The following LRRC28 variants were observed in gnomAD, a reference collection of about 807,000 sequenced individuals.
LRRC28 encodes leucine rich repeat containing 28.
In LRRC28, 39 loss-of-function variants were observed where a neutral mutation model predicts 45.7. The ratio of observed to expected loss-of-function variants is 0.85; its 90% CI spans 0.66 to 1.12. The LOEUF (loss-of-function observed/expected upper bound fraction) is 1.12. LRRC28 is among the 50% of genes most tolerant of loss of function. The pLI is 0.00. For missense variants in LRRC28, 435 were observed against 438.5 expected, an observed-to-expected ratio of 0.99 and a Z score of 0.07; for synonymous variants, 206 against 178.8, an observed-to-expected ratio of 1.15 and a Z score of -1.22.
chr15:99,304,288 A>G (rs1348783320), intron 5 of LRRC28, among the ~76,000 whole-genome samples: 2 of 152,212 alleles, frequency 1.3e-5, no homozygotes, highest in African/African-American at 4.8e-5. Context: ...TTATCTGGAT[A>G]CAAGTCATTT....
At chr15:99,334,209 A>G in intron 6 of LRRC28, 80 bp downstream of exon 6, 1 of 1,489,186 alleles carries the variant, frequency 6.7e-7, no homozygotes, top group Non-Finnish European at 9.3e-7. Context: ...CCAATTAGTT[A>G]GTTTCCTTCC....
intron 5 of LRRC28, among the ~76,000 whole-genome samples, chr15:99,308,412 A>G (rs1326435564): frequency 2.0e-5 from 3 of 152,330 alleles, no homozygotes; most frequent in East Asian, 3.9e-4. Flanking sequence ...CACACCTATA[A>G]TCCCAGCACT....
chr15:99,264,349 T>C (rs1418599558), intron 2 of LRRC28, among the ~76,000 whole-genome samples: 1 of 152,220 alleles, frequency 6.6e-6, no homozygotes, highest in African/African-American at 2.4e-5. Flanking sequence ...GTGGCATGTC[T>C]AGGCATATTT....
intron 9 of LRRC28, among the ~76,000 whole-genome samples, chr15:99,373,597 T>C (rs1957545046): frequency 6.6e-6 from 1 of 152,204 alleles, no homozygotes; most frequent in South Asian, 2.1e-4. Context: ...TGTTGTGCTA[T>C]CAAATACTAG....
intron 3 of LRRC28, among the ~76,000 whole-genome samples, chr15:99,278,305 G>C (rs1486789588): frequency 6.6e-6 from 1 of 152,156 alleles, no homozygotes; most frequent in East Asian, 1.9e-4. Context: ...CTGGAGTGCA[G>C]TGGCACAATC....
At chr15:99,360,689 A>G (rs901832827) in intron 7 of LRRC28, among the ~76,000 whole-genome samples, 15 of 152,176 alleles carry the variant, frequency 9.9e-5, no homozygotes, top group East Asian at 7.7e-4. Flanking sequence ...AGGTTACCCA[A>G]TGGTTTCACA....
chr15:99,372,766 G>A (rs182077466), intron 9 of LRRC28, among the ~76,000 whole-genome samples: 147 of 152,206 alleles, frequency 9.7e-4, no homozygotes, highest in African/African-American at 3.1e-3. Context: ...GTTTTAGTCC[G>A]TTCTTATGCT....
chr15:99,266,294 C>T (rs1038149950), intron 2 of LRRC28, among the ~76,000 whole-genome samples: 2 of 151,928 alleles, frequency 1.3e-5, no homozygotes, highest in Admixed American at 6.6e-5. Flanking sequence ...AGCAAAAACA[C>T]GTAAAAAGAT....
chr15:99,344,274 C>G (rs1017575454), intron 6 of LRRC28, among the ~76,000 whole-genome samples: 1 of 152,164 alleles, frequency 6.6e-6, no homozygotes, highest in African/African-American at 2.4e-5. Flanking sequence ...AGGAAGCAGG[C>G]TCAGAACATT....
rs191158697 is a variant in LRRC28 at position 99,331,046 on chromosome 15, T to A, written c.386-2877T>A. ...GGTTTTTATCAAGCTTCTTAAGTCTTTAATATTTCTCATCAAAATTTAAAT... is the reference window on the plus strand; with the variant it reads ...GGTTTTTATCAAGCTTCTTAAGTCTATAATATTTCTCATCAAAATTTAAAT... On this transcript the variant is annotated intron_variant, in intron 5 of 9. Transcript: ENST00000301981. 1.1e-4 allele frequency among the ~76,000 whole-genome samples: 16 copies of A among 152,256 alleles called. No homozygotes were observed. The East Asian group carries it at 3.1e-3, about 29-fold the overall frequency.
At chr15:99,381,350 A>G (rs147398704) in intron 9 of LRRC28, among the ~76,000 whole-genome samples, 2 of 152,084 alleles carry the variant, frequency 1.3e-5, no homozygotes, top group Non-Finnish European at 2.9e-5. Context: ...TGCATTTGTC[A>G]TGTAGTTCTC....
At chr15:99,333,603 T>C (rs1197637644) in intron 5 of LRRC28, 1 of 329,214 alleles carries the variant, frequency 3.0e-6, no homozygotes, top group African/African-American at 2.1e-5. Context: ...TTTCTCACCC[T>C]GGCAACAAAC....
chr15:99,293,431 TA>T (rs2082177043), intron 5 of LRRC28, among the ~76,000 whole-genome samples: 1 of 151,226 alleles, frequency 6.6e-6, no homozygotes, highest in South Asian at 2.1e-4. Context: ...CCATCTCTAC[TA>T]AAAATACAAA....
rs1958047052 is a variant in LRRC28 at position 99,387,274 on chromosome 15, A to G, written c.*1172A>G. 6.6e-6 allele frequency: 1 copy of G among 151,334 alleles called. No individual in the cohort carries two copies. Among genetic ancestry groups the G allele is most frequent in the Non-Finnish European group, 1.5e-5 (1 of 67,832 alleles). The allele number at this position is 151,334 out of a possible 1,614,324, so 9.4% of individuals were successfully genotyped here. ...ACGGGGTTTCACCGTGTTAGCCGGG[A>G]TGGTCTCGATCTCCTGACCTCGTGA... On this transcript the variant is annotated 3_prime_UTR_variant, in exon 10 of 10. Coordinates refer to ENST00000301981, the MANE Select transcript of LRRC28 (RefSeq NM_144598.5).
intron 5 of LRRC28, among the ~76,000 whole-genome samples, chr15:99,290,195 G>C (rs1032042287): frequency 2.0e-5 from 3 of 150,312 alleles, no homozygotes; most frequent in Admixed American, 6.6e-5. Flanking sequence ...GGAGGCGGAG[G>C]TTGCAGTGAG....
At chr15:99,311,155 G>C (rs899282381) in intron 5 of LRRC28, among the ~76,000 whole-genome samples, 1 of 152,052 alleles carries the variant, frequency 6.6e-6, no homozygotes, top group Non-Finnish European at 1.5e-5. Context: ...GGACTGGGAG[G>C]GTCTTTTCTG....
intron 5 of LRRC28, among the ~76,000 whole-genome samples, chr15:99,314,051 TGTTAAGC>T (rs1955507959): frequency 1.3e-5 from 2 of 152,300 alleles, no homozygotes; most frequent in South Asian, 4.1e-4. Context: ...TTTTGTCCAG[TGTTAAGC>T]TTGTTTTTGG....
At chr15:99,370,341 A>T (rs951530133) in intron 9 of LRRC28, among the ~76,000 whole-genome samples, 1 of 152,240 alleles carries the variant, frequency 6.6e-6, no homozygotes, top group African/African-American at 2.4e-5. Context: ...TAACATTATG[A>T]ACAAGGTACT....
Position 99,323,113 on chromosome 15 carries a change from G to A in LRRC28, c.386-10810G>A. On this transcript the variant is annotated intron_variant, in intron 5 of 9. Coordinates refer to ENST00000301981, the MANE Select transcript of LRRC28 (RefSeq NM_144598.5). ...CACCTTTTAAAATAATGTACACTCA[G>A]AAACATCTCAGAACAGAAGCATCAA... is the stretch of plus-strand genomic sequence containing the variant. Among the ~76,000 whole-genome samples, 2 of 152,046 alleles carry A rather than the reference G, an allele frequency of 1.3e-5. 1 individual carries two copies. The highest frequency in any genetic ancestry group is 1.3e-4 in the Admixed American group (2 of 15,260).
Sources: gnomAD v4.1 joint callset for allele counts (sites outside exome capture counted in the v4.1 genomes callset) on GRCh38, gnomAD v4.1.1 for gene constraint, MANE v1.5 for transcripts, NCBI Gene and HGNC (gene_info 2026-07-23, HGNC 2026-07-21) for gene names.